MYO3A: variants seen among roughly 807,000 people sequenced by gnomAD.
MYO3A encodes myosin-IIIa.
A neutral mutation model predicts 192.7 loss-of-function variants in MYO3A; 180 were observed. The observed-to-expected ratio is 0.93, with a 90% CI of 0.83 to 1.06. The LOEUF (loss-of-function observed/expected upper bound fraction) is 1.06, where lower values mean the gene tolerates loss of function less well. Among genes scored for constraint, MYO3A ranks in the 50% least tolerant of loss-of-function variants. The pLI is 0.00. For missense variants in MYO3A, 1,896 were observed against 1,905.0 expected, an observed-to-expected ratio of 1.00 and a Z score of 0.09; for synonymous variants, 628 against 645.3, an observed-to-expected ratio of 0.97 and a Z score of 0.41.
chr10:26,067,225 A>C (rs2131373214), intron 11 of MYO3A, 151 bp downstream of exon 11: 1 of 621,478 alleles, frequency 1.6e-6, no homozygotes, highest in Admixed American at 2.6e-5. Flanking sequence ...CCCATCTGTA[A>C]GTCTCATGCT....
At chr10:25,967,036 G>A (rs74129518) in intron 4 of MYO3A, among the ~76,000 whole-genome samples, 1,857 of 152,276 alleles carry the variant, frequency 0.012, 51 homozygotes, top group African/African-American at 0.042. Flanking sequence ...CTGTTCCCAA[G>A]GAGATCAAAG....
At chr10:26,011,344 G>T (rs1377399358) in intron 6 of MYO3A, among the ~76,000 whole-genome samples, 2 of 152,076 alleles carry the variant, frequency 1.3e-5, no homozygotes, top group Non-Finnish European at 2.9e-5. Flanking sequence ...TGAGATGGAA[G>T]AATCACCTGA....
chr10:25,971,341 T>C (rs1838627163), intron 4 of MYO3A, among the ~76,000 whole-genome samples: 1 of 152,230 alleles, frequency 6.6e-6, no homozygotes, highest in African/African-American at 2.4e-5. Flanking sequence ...CCTAATGTTT[T>C]ATACAATTGC....
intron 32 of MYO3A, among the ~76,000 whole-genome samples, chr10:26,195,000 G>A (rs1031588986): frequency 7.9e-5 from 12 of 152,046 alleles, no homozygotes; most frequent in African/African-American, 2.9e-4. Flanking sequence ...CTTAATATAC[G>A]TTAAATGGTT....
At chr10:26,025,051 G>A (rs1339813) in intron 9 of MYO3A, among the ~76,000 whole-genome samples, 47,326 of 151,964 alleles carry the variant, frequency 0.31, 7,652 homozygotes, top group Middle Eastern at 0.43. Flanking sequence ...AAAGTTTTGC[G>A]TGAATAAAAT....
intron 10 of MYO3A, among the ~76,000 whole-genome samples, chr10:26,032,640 AC>A (rs1842854487): frequency 6.6e-6 from 1 of 151,872 alleles, no homozygotes; most frequent in Admixed American, 6.6e-5. Flanking sequence ...CAAAAAAAAA[AC>A]CAACAAAAAA....
intron 17 of MYO3A, among the ~76,000 whole-genome samples, chr10:26,113,393 G>A (rs1205105125): frequency 4.0e-5 from 6 of 151,764 alleles, no homozygotes; most frequent in Non-Finnish European, 8.8e-5. Context: ...TTGCTTGAAC[G>A]CGGGAGGTGG....
At chr10:26,063,627 A>T (rs1362093858) in intron 10 of MYO3A, among the ~76,000 whole-genome samples, 1 of 152,226 alleles carries the variant, frequency 6.6e-6, no homozygotes, top group Non-Finnish European at 1.5e-5. Flanking sequence ...GACTGAAATG[A>T]CATTTAACTA....
At chr10:26,169,212 A>G (rs1476077333) in intron 28 of MYO3A, among the ~76,000 whole-genome samples, 3 of 152,170 alleles carry the variant, frequency 2.0e-5, no homozygotes, top group Non-Finnish European at 2.9e-5. Context: ...TTTCTACTTT[A>G]TTCCAAAGGT....
chr10:26,143,705 C>A (rs564225345), intron 21 of MYO3A, 104 bp downstream of exon 21: 1 of 1,393,236 alleles, frequency 7.2e-7, no homozygotes, highest in African/African-American at 1.4e-5. Flanking sequence ...AAATAGCTGT[C>A]ACAAAGCCTG....
intron 9 of MYO3A, among the ~76,000 whole-genome samples, chr10:26,025,411 G>T (rs1564471130): frequency 6.6e-6 from 1 of 151,806 alleles, no homozygotes; most frequent in Non-Finnish European, 1.5e-5. Flanking sequence ...AAGGGGTCTT[G>T]GAAAGTTGTA....
intron 6 of MYO3A, among the ~76,000 whole-genome samples, chr10:26,015,655 T>C (rs935705016): frequency 2.0e-5 from 3 of 152,180 alleles, no homozygotes; most frequent in African/African-American, 7.2e-5. Flanking sequence ...ATCTTGATGT[T>C]TAACAGGCAT....
chr10:25,965,975 C>G (rs1838238474), intron 4 of MYO3A, among the ~76,000 whole-genome samples: 1 of 150,564 alleles, frequency 6.6e-6, no homozygotes, highest in African/African-American at 2.5e-5. Context: ...CTCTCTCTCT[C>G]TCTCTTCAGT....
intron 2 of MYO3A, among the ~76,000 whole-genome samples, chr10:25,938,548 C>G (rs1588623561): frequency 6.6e-6 from 1 of 152,146 alleles, no homozygotes. Flanking sequence ...TGTGTTTCTT[C>G]CATCATAGGC....
chr10:25,961,372 A>G (rs1047231872), intron 4 of MYO3A, among the ~76,000 whole-genome samples: 7 of 152,160 alleles, frequency 4.6e-5, no homozygotes, highest in African/African-American at 1.7e-4. Flanking sequence ...AACTCCTGAT[A>G]TTAGTTAAAT....
chr10:25,938,937 G>C (rs960876142), intron 2 of MYO3A, among the ~76,000 whole-genome samples: 7 of 152,074 alleles, frequency 4.6e-5, no homozygotes, highest in Admixed American at 4.6e-4. Flanking sequence ...AATAGATTTG[G>C]TCATTACATA....
At chr10:26,038,463 A>T (rs569132861) in intron 10 of MYO3A, among the ~76,000 whole-genome samples, 1 of 152,276 alleles carries the variant, frequency 6.6e-6, no homozygotes, top group South Asian at 2.1e-4. Flanking sequence ...TAGCTATTGT[A>T]AATGGTGTTA....
chr10:25,986,877 G>A (rs1839685891), intron 4 of MYO3A, among the ~76,000 whole-genome samples: 2 of 151,948 alleles, frequency 1.3e-5, no homozygotes, highest in African/African-American at 2.4e-5. Flanking sequence ...AATTCATATG[G>A]AACCAAAAAA....
In MYO3A at chr10:25,954,906, C is replaced by T. The variant is rs886254962; in HGVS notation, c.201C>T (p.Asn67=). The change falls in exon 4 of 35, where the codon AAC becomes AAT. Residue 67 remains asparagine (N), a synonymous_variant. Transcript: ENST00000642920. ...DIDEEIEAEY[N]ILKALSDHPN... ...ACGAAGAGATTGAAGCAGAATATAA[C>T]ATCTTAAAAGCACTTTCTGACCACC... 1 of 1,612,176 alleles carries T rather than the reference C, an allele frequency of 6.2e-7. No homozygotes were observed. Among genetic ancestry groups the T allele is most frequent in the African/African-American group, 1.3e-5 (1 of 74,808 alleles).
Sources: allele counts gnomAD v4.1 joint callset (sites outside exome capture counted in the v4.1 genomes callset), GRCh38; gene constraint gnomAD v4.1.1; transcripts MANE v1.5; gene names NCBI Gene and HGNC (gene_info 2026-07-23, HGNC 2026-07-21).